The following FANK1 variants were observed in gnomAD, a reference collection of about 807,000 sequenced individuals.
The protein encoded by FANK1 is fibronectin type 3 and ankyrin repeat domains protein 1.
Under a neutral mutation model 45.3 loss-of-function variants are expected in FANK1, and 44 were observed. The observed-to-expected ratio is 0.97, with a 90% CI of 0.76 to 1.25. FANK1 has a LOEUF of 1.25. FANK1 is among the 50% of genes most tolerant of loss of function. FANK1 has a pLI of 0.00. For synonymous variants in FANK1, 149 were observed against 152.5 expected, an observed-to-expected ratio of 0.98 and a Z score of 0.17; for missense variants, 391 against 424.4, an observed-to-expected ratio of 0.92 and a Z score of 0.69.
intron 1 of FANK1, among the ~76,000 whole-genome samples, chr10:125,919,084 G>A (rs1451194732): frequency 1.3e-5 from 2 of 151,238 alleles, no homozygotes; most frequent in African/African-American, 4.9e-5. Flanking sequence ...GTCAGCTACT[G>A]TTTGCTACAG....
At chr10:125,927,116 C>A (rs1482994412) in intron 1 of FANK1, among the ~76,000 whole-genome samples, 2 of 152,096 alleles carry the variant, frequency 1.3e-5, no homozygotes, top group African/African-American at 2.4e-5. Context: ...AAATGACCAT[C>A]TTGTCTTTTG....
intron 1 of FANK1, among the ~76,000 whole-genome samples, chr10:125,903,600 C>T (rs74316414): frequency 1.4e-5 from 2 of 145,110 alleles, no homozygotes; most frequent in Admixed American, 6.8e-5. Flanking sequence ...GAAGCTGAGG[C>T]GGGGGGACTG....
chr10:125,900,303 A>G (rs1944924848), intron 1 of FANK1, among the ~76,000 whole-genome samples: 1 of 152,108 alleles, frequency 6.6e-6, no homozygotes, highest in Non-Finnish European at 1.5e-5. Flanking sequence ...GCTCATGTAT[A>G]AAATAACATG....
At chr10:125,936,432 CAAAAA>C (rs11405392) in intron 1 of FANK1, among the ~76,000 whole-genome samples, 3 of 115,232 alleles carry the variant, frequency 2.6e-5, no homozygotes, top group African/African-American at 3.2e-5. Flanking sequence ...GATGCTGTCT[CAAAAA>C]AAAAAAAAAA....
At chr10:125,919,195 ATTTTTTTTTTTTTTT>A (rs142716284) in intron 1 of FANK1, among the ~76,000 whole-genome samples, 5 of 51,862 alleles carry the variant, frequency 9.6e-5, no homozygotes, top group East Asian at 1.3e-3. Flanking sequence ...GGAGGTAAGA[ATTTTTTTTTTTTTTT>A]TTTTTTTTTT....
intron 2 of FANK1, among the ~76,000 whole-genome samples, chr10:125,986,351 G>T (rs536947725): frequency 6.6e-6 from 1 of 152,198 alleles, no homozygotes; most frequent in East Asian, 1.9e-4. Flanking sequence ...GCAAAAACAG[G>T]ATCATTGAAC....
intron 1 of FANK1, among the ~76,000 whole-genome samples, chr10:125,970,659 C>G (rs1001317895): frequency 6.6e-6 from 1 of 152,196 alleles, no homozygotes; most frequent in Non-Finnish European, 1.5e-5. Context: ...CCAAAAAATA[C>G]AAAAACCAGT....
At chr10:125,994,625 T>C (rs1952182869) in intron 3 of FANK1, 3 of 985,278 alleles carry the variant, frequency 3.0e-6, no homozygotes, top group Non-Finnish European at 3.6e-6. Context: ...TTAAGCTTAA[T>C]TGTGATACTT....
chr10:125,908,326 G>A (rs1945710998), intron 1 of FANK1, among the ~76,000 whole-genome samples: 1 of 152,026 alleles, frequency 6.6e-6, no homozygotes, highest in East Asian at 1.9e-4. Context: ...AGCACAATCT[G>A]CAACTGAAAA....
chr10:125,909,519 C>A (rs1434707376), intron 1 of FANK1, among the ~76,000 whole-genome samples: 1 of 135,752 alleles, frequency 7.4e-6, no homozygotes, highest in Admixed American at 7.5e-5. Context: ...TCTTCTTTTT[C>A]TTTTTTTTTT....
intron 1 of FANK1, among the ~76,000 whole-genome samples, chr10:125,952,176 AT>A (rs1330246141): frequency 6.6e-6 from 1 of 152,056 alleles, no homozygotes; most frequent in Non-Finnish European, 1.5e-5. Context: ...ATTTTCACAA[AT>A]TTTATTTCAT....
rs1953447440 is a variant in FANK1 at position 126,008,971 on chromosome 10, T to G, written c.850-83T>G. ...GGTTGCAGGGGGGCTGCTGGGACCCTGCATGTGCCAGGCTCATGCCCCCTG... is the reference window on the plus strand; with the variant it reads ...GGTTGCAGGGGGGCTGCTGGGACCCGGCATGTGCCAGGCTCATGCCCCCTG... On this transcript the variant is annotated intron_variant, in intron 8 of 10. Coordinates refer to ENST00000368693, the MANE Select transcript of FANK1 (RefSeq NM_145235.5). 67 of 1,332,034 alleles carry G rather than the reference T, an allele frequency of 5.0e-5. No individual in the cohort carries two copies. The South Asian group carries it at 8.1e-4, about 16-fold the overall frequency. 82.5% of individuals were successfully genotyped at this position (1,332,034 alleles called of 1,614,324 possible). A position where few individuals can be genotyped will look rare whatever the true frequency, so the allele number is the denominator to read the frequency against.
At chr10:125,986,527 C>A (rs1483534432) in intron 2 of FANK1, among the ~76,000 whole-genome samples, 1 of 152,160 alleles carries the variant, frequency 6.6e-6, no homozygotes, top group Non-Finnish European at 1.5e-5. Context: ...GCACCTCTTT[C>A]CTGGACGTGC....
intron 7 of FANK1, among the ~76,000 whole-genome samples, chr10:126,005,519 G>C (rs1396384336): frequency 6.6e-6 from 1 of 152,002 alleles, no homozygotes; most frequent in Non-Finnish European, 1.5e-5. Context: ...TGTTGGCCAG[G>C]CTGGTCTTGA....
intron 5 of FANK1, 39 bp from the exon 6 acceptor site, chr10:125,997,381 G>A: frequency 6.3e-7 from 1 of 1,576,892 alleles, no homozygotes. Flanking sequence ...GAGTGATCAA[G>A]GTGACTTATC....
chr10:126,005,712 T>C (rs539972313), intron 7 of FANK1, among the ~76,000 whole-genome samples: 2 of 152,364 alleles, frequency 1.3e-5, no homozygotes, highest in Admixed American at 6.5e-5. Flanking sequence ...ATGGCGGAGA[T>C]ACAAAGATAT....
intron 7 of FANK1, 130 bp from the exon 8 acceptor site, chr10:126,008,277 A>G: frequency 7.8e-7 from 1 of 1,276,896 alleles, no homozygotes; most frequent in Non-Finnish European, 1.1e-6. Flanking sequence ...AGCACAGTGC[A>G]ATGAACCAAA....
intron 1 of FANK1, among the ~76,000 whole-genome samples, chr10:125,933,493 C>G (rs973268541): frequency 5.3e-5 from 8 of 152,114 alleles, no homozygotes; most frequent in Non-Finnish European, 1.5e-5. Flanking sequence ...TGTTTCATTT[C>G]TTAATGAGGT....
Position 126,009,490 on chromosome 10 carries a change from T to C in FANK1, c.*52T>C, listed in dbSNP as rs1206921394. 6.3e-7 allele frequency: 1 copy of C among 1,585,848 alleles called. No individual in the cohort carries two copies. Among genetic ancestry groups the C allele is most frequent in the Non-Finnish European group, 8.6e-7 (1 of 1,160,664 alleles). ...CACGTAAAACAAAGTGAACCGTGACTGTTAAACTAGGGATGGGAAATTCTG... is the reference window on the plus strand; with the variant it reads ...CACGTAAAACAAAGTGAACCGTGACCGTTAAACTAGGGATGGGAAATTCTG... On this transcript the variant is annotated 3_prime_UTR_variant, in exon 11 of 11. Transcript: ENST00000368693.
Sources: gnomAD v4.1 joint callset for allele counts (sites outside exome capture counted in the v4.1 genomes callset) on GRCh38, gnomAD v4.1.1 for gene constraint, MANE v1.5 for transcripts, NCBI Gene and HGNC (gene_info 2026-07-23, HGNC 2026-07-21) for gene names.